Variants in TAGLN2 observed in about 807,000 individuals in gnomAD.
TAGLN2 encodes the protein transgelin 2.
Under a neutral mutation model 24.9 loss-of-function variants are expected in TAGLN2, and 14 were observed. That is an observed-to-expected ratio of 0.56 (90% CI 0.37 to 0.88). TAGLN2 has a LOEUF of 0.88. Among genes scored for constraint, TAGLN2 ranks in the 40% least tolerant of loss-of-function variants. The pLI, the probability that TAGLN2 is intolerant of heterozygous loss-of-function variation, is 0.00. For synonymous variants in TAGLN2, 77 were observed against 98.2 expected, an observed-to-expected ratio of 0.78 and a Z score of 1.28; for missense variants, 208 against 258.9, an observed-to-expected ratio of 0.80 and a Z score of 1.35.
At position 159,920,427 on chromosome 1, in the gene TAGLN2, T is replaced by C. The variant is rs1178567696; in HGVS notation, c.83A>G (p.Gln28Arg). Residue 28 changes from glutamine to arginine, a missense_variant, in exon 2 of 5, where the codon CAG becomes CGG. By Grantham distance (43) the Gln-to-Arg change is conservative (BLOSUM62 1). Coordinates refer to ENST00000368097, the MANE Select transcript of TAGLN2 (RefSeq NM_003564.3). Reference protein sequence around the residue: ...IEKQYDADLEQILIQWITTQC... With the variant: ...IEKQYDADLERILIQWITTQC... ...GGTGGTGATCCACTGGATCAGGATC[T>C]GCTCCAGATCTGCATCATATTGTTT... The C allele has an allele frequency of 1.9e-6, 3 of 1,614,246 alleles. No homozygotes were observed. The highest frequency in any genetic ancestry group is 2.5e-6 in the Non-Finnish European group (3 of 1,180,044).
chr1:159,921,694 C>T (rs1382065850), intron 1 of TAGLN2, among the ~76,000 whole-genome samples: 2 of 152,246 alleles, frequency 1.3e-5, no homozygotes. Flanking sequence ...CGGGGAAATA[C>T]ACAGGAGGGT....
At chr1:159,921,623 G>C (rs983377131) in intron 1 of TAGLN2, among the ~76,000 whole-genome samples, 14 of 152,252 alleles carry the variant, frequency 9.2e-5, no homozygotes, top group Non-Finnish European at 1.2e-4. Flanking sequence ...GCAGAAATAG[G>C]AAACTAATAC....
At chr1:159,923,490 T>C in intron 1 of TAGLN2, 1 of 1,546,918 alleles carries the variant, frequency 6.5e-7, no homozygotes. Flanking sequence ...CAGGGAGGAC[T>C]TCAGGGTTCT....
At chr1:159,923,556 G>C in intron 1 of TAGLN2, 1 of 1,357,834 alleles carries the variant, frequency 7.4e-7, no homozygotes, top group Non-Finnish European at 1.0e-6. Context: ...CGTGCAGATG[G>C]AACACAGGAG....
chr1:159,918,576 C>T lies in TAGLN2; in HGVS notation c.*224G>A. 1 of 563,760 alleles carries T rather than the reference C, an allele frequency of 1.8e-6. No homozygotes were observed. The highest frequency in any genetic ancestry group is 3.0e-6 in the Non-Finnish European group (1 of 335,172). The allele number at this position is 563,760 out of a possible 1,614,324, so 34.9% of individuals were successfully genotyped here. ...TTGGTCCCAGGGGAAAGGAAGAGGC[C>T]AGTTGGTCCAGTTTTGATGGCTATG... On this transcript the variant is annotated 3_prime_UTR_variant, in exon 5 of 5. Transcript: ENST00000368097.
At chr1:159,920,887 G>C (rs569602851) in intron 1 of TAGLN2, among the ~76,000 whole-genome samples, 1 of 152,312 alleles carries the variant, frequency 6.6e-6, no homozygotes, top group Admixed American at 6.5e-5. Flanking sequence ...GATAGTAGAA[G>C]TCCTTGGTCC....
At chr1:159,923,626 C>T in intron 1 of TAGLN2, 1 of 692,784 alleles carries the variant, frequency 1.4e-6, no homozygotes, top group Non-Finnish European at 2.2e-6. Context: ...AGTGAGGGCA[C>T]CAGCCCACAG....
At chr1:159,919,188 C>T in intron 4 of TAGLN2, 86 bp downstream of exon 4, 1 of 1,390,056 alleles carries the variant, frequency 7.2e-7, no homozygotes, top group Non-Finnish European at 1.0e-6. Flanking sequence ...GGGCCAGCTG[C>T]TACTGAGATA....
chr1:159,922,989 A>AAC, intron 1 of TAGLN2, among the ~76,000 whole-genome samples: 1 of 152,330 alleles, frequency 6.6e-6, no homozygotes, highest in East Asian at 1.9e-4. Context: ...GAGGTGCCAG[A>AAC]GCCATAGGGC....
At position 159,918,695 on chromosome 1, in the gene TAGLN2, G is replaced by A; in HGVS notation, c.*105C>T. 1 of 1,487,516 alleles carries A rather than the reference G, an allele frequency of 6.7e-7. No individual in the cohort carries two copies. The highest frequency in any genetic ancestry group is 2.3e-5 in the East Asian group (1 of 43,716). 92.1% of individuals were successfully genotyped at this position (1,487,516 alleles called of 1,614,324 possible). On this transcript the variant is annotated 3_prime_UTR_variant, in exon 5 of 5. Transcript: ENST00000368097. ...GCTGAACCCCCCACCCTGACAGAAA[G>A]GAGCTTGAGAGCTCTGGGGCTCTCT...
Position 159,920,184 on chromosome 1 carries a change from C to T in TAGLN2, c.180+146G>A, listed in dbSNP as rs1650483032. On this transcript the variant is annotated intron_variant, in intron 2 of 4. Transcript: ENST00000368097. ...AGGGAGGAAAGCATGGGCCCTCTCA[C>T]ATCCTTGACAAAGGCCTTCAAGCTG... The T allele has an allele frequency of 4.5e-6, 6 of 1,333,674 alleles. No individual in the cohort carries two copies. The East Asian group carries it at 7.0e-5, about 16-fold the overall frequency. 82.6% of individuals were successfully genotyped at this position (1,333,674 alleles called of 1,614,324 possible). A position where few individuals can be genotyped will look rare whatever the true frequency, so the allele number is the denominator to read the frequency against.
intron 1 of TAGLN2, among the ~76,000 whole-genome samples, chr1:159,921,535 C>A (rs1284953520): frequency 6.6e-6 from 1 of 152,214 alleles, no homozygotes; most frequent in Non-Finnish European, 1.5e-5. Flanking sequence ...GCCAGTGAGA[C>A]CCCTGTTGAG....
chr1:159,922,526 T>C (rs981335868), intron 1 of TAGLN2, among the ~76,000 whole-genome samples: 1 of 152,030 alleles, frequency 6.6e-6, no homozygotes. Flanking sequence ...CACTCCACCA[T>C]AGAAACCTCT....
At chr1:159,922,990 G>GAGGTGCCAGAA in intron 1 of TAGLN2, among the ~76,000 whole-genome samples, 1 of 152,226 alleles carries the variant, frequency 6.6e-6, no homozygotes, top group East Asian at 1.9e-4. Flanking sequence ...AGGTGCCAGA[G>GAGGTGCCAGAA]CCATAGGGCG....
In TAGLN2 at chr1:159,918,921, C is replaced by T. The variant is rs1186201459; in HGVS notation, c.479G>A (p.Arg160Gln). The T allele has an allele frequency of 1.2e-6, 2 of 1,614,162 alleles. No individual in the cohort carries two copies. The highest frequency in any genetic ancestry group is 2.2e-5 in the South Asian group (2 of 91,084). Residue 160 changes from arginine (R) to glutamine (Q), a missense_variant, in exon 5 of 5, where the codon CGG (arginine) becomes CAG (glutamine). Arg to Gln is a conservative substitution (Grantham distance 43). Transcript: ENST00000368097. Reference protein sequence around the residue: ...WFPKKSKENPRNFSDNQLQEG... With the variant: ...WFPKKSKENPQNFSDNQLQEG... ...TTGCAGCTGGTTATCCGAGAAGTTC[C>T]GAGGATTCTCCTTGGATTTCCTGGG...
At chr1:159,922,037 T>C (rs1650547858) in intron 1 of TAGLN2, among the ~76,000 whole-genome samples, 1 of 152,232 alleles carries the variant, frequency 6.6e-6, no homozygotes, top group South Asian at 2.1e-4. Context: ...AGCCACCCCT[T>C]CTAACCACAT....
rs560869392 is a variant in TAGLN2 at position 159,919,897 on chromosome 1, C to T, written c.181-62G>A. Reference sequence around the variant, plus strand: ...TGCCTACCTATCGCAGCTCAGCGTGCACCACCCTCAGAACCAGAGACAATG... The same window carrying T: ...TGCCTACCTATCGCAGCTCAGCGTGTACCACCCTCAGAACCAGAGACAATG... On this transcript the variant is annotated intron_variant, in intron 2 of 4. Coordinates refer to ENST00000368097, the MANE Select transcript of TAGLN2 (RefSeq NM_003564.3). 48 of 1,549,820 alleles carry T rather than the reference C, an allele frequency of 3.1e-5. No individual in the cohort carries two copies. In the African/African-American group the frequency reaches 4.3e-4, roughly 14 times the overall value.
At chr1:159,920,666 C>T (rs1387528212) in intron 1 of TAGLN2, 129 bp from the exon 2 acceptor site, 1 of 1,451,120 alleles carries the variant, frequency 6.9e-7, no homozygotes, top group East Asian at 2.5e-5. Flanking sequence ...AGGACCAGAA[C>T]TGTTACCAAA....
chr1:159,919,569 G>T, intron 3 of TAGLN2, 92 bp downstream of exon 3: 1 of 1,497,126 alleles, frequency 6.7e-7, no homozygotes, highest in Non-Finnish European at 9.2e-7. Flanking sequence ...TCTGCAGGGA[G>T]CCAGAAAACA....
Sources: allele counts gnomAD v4.1 joint callset (sites outside exome capture counted in the v4.1 genomes callset), GRCh38; gene constraint gnomAD v4.1.1; transcripts MANE v1.5; gene names NCBI Gene and HGNC (gene_info 2026-07-23, HGNC 2026-07-21).